The following BAHCC1 variants were observed in gnomAD, a reference collection of about 807,000 sequenced individuals.
BAHCC1 encodes BAH domain and coiled-coil containing 1.
A neutral mutation model predicts 88.2 loss-of-function variants in BAHCC1; 43 were observed. The observed-to-expected ratio is 0.49, with a 90% CI of 0.38 to 0.63. BAHCC1 has a LOEUF of 0.63. Ranked by LOEUF, BAHCC1 falls within the 20% of genes least tolerant of loss-of-function variation. The probability of loss-of-function intolerance (pLI) is 0.00; values close to 1 mark genes in which losing one functional copy is unlikely to be tolerated. For missense variants in BAHCC1, 3,023 were observed against 1,654.8 expected, an observed-to-expected ratio of 1.83 and a Z score of -14.34; for synonymous variants, 1,510 against 745.5, an observed-to-expected ratio of 2.03 and a Z score of -16.71.
intron 2 of BAHCC1, among the ~76,000 whole-genome samples, chr17:81,405,885 CCT>C (rs1291413514): frequency 7.9e-5 from 12 of 152,340 alleles, no homozygotes; most frequent in Non-Finnish European, 1.6e-4. Context: ...CCCCCAACCC[CCT>C]GAGCTCAGTA....
rs535785540 is a variant in BAHCC1, at chr17:81,422,291, G to A, written c.179-4509G>A. The stretch of plus-strand genomic sequence containing the variant: ...CTCCCAAAGTGCTGGGATTACAGGC[G>A]TGAGCCACCGTGTCTGGTCTCTCTT... On this transcript the variant is annotated intron_variant, in intron 2 of 27. Transcript: ENST00000675386. 3.9e-5 allele frequency among the ~76,000 whole-genome samples: 6 copies of A among 152,352 alleles called. No homozygotes were observed. In the East Asian group the frequency reaches 5.8e-4, roughly 15 times the overall value.
intron 25 of BAHCC1, 54 bp downstream of exon 25, chr17:81,460,760 T>A: frequency 1.3e-6 from 1 of 776,198 alleles, no homozygotes. Flanking sequence ...CTCTGGGGGC[T>A]GGGGGAACCA....
intron 2 of BAHCC1, among the ~76,000 whole-genome samples, chr17:81,418,788 C>CGTGTGTGTGT (rs1393659232): frequency 4.7e-4 from 2 of 4,270 alleles, no homozygotes; most frequent in African/African-American, 1.0e-3. Flanking sequence ...TGTGTGTGTA[C>CGTGTGTGTGT]GTGTGTGCGT....
intron 1 of BAHCC1, among the ~76,000 whole-genome samples, chr17:81,397,766 G>T (rs2063761439): frequency 6.6e-6 from 1 of 152,210 alleles, no homozygotes; most frequent in Non-Finnish European, 1.5e-5. Flanking sequence ...TGTTAGACCC[G>T]GGGAGAGAGC....
intron 2 of BAHCC1, among the ~76,000 whole-genome samples, chr17:81,412,354 C>T (rs1173304898): frequency 1.3e-5 from 2 of 152,194 alleles, no homozygotes; most frequent in Non-Finnish European, 2.9e-5. Context: ...CATTTTTGGG[C>T]TAACTCTTAA....
At position 81,444,999 on chromosome 17, in the gene BAHCC1, TG is replaced by T; in HGVS notation, c.2672-13del. ...CCTCCCCAGCCAGGCTGACCCCTCC[TG>T]GGCCCTGCCCACAGCGGATGTCATG... On this transcript the variant is annotated splice_polypyrimidine_tract_variant and intron_variant, in intron 8 of 27. Transcript: ENST00000675386. 1 of 747,040 alleles carries T rather than the reference TG, an allele frequency of 1.3e-6. No homozygotes were observed. The allele number at this position is 747,040 out of a possible 1,614,324, so 46.3% of individuals were successfully genotyped here.
At position 81,461,239 on chromosome 17, in the gene BAHCC1, G is replaced by A; in HGVS notation, c.6576G>A (p.Val2192=). The change falls in exon 26 of 28, where the codon GTG becomes GTA. Residue 2192 remains valine, a synonymous_variant. Transcript: ENST00000675386. ...KLLRAKKAER[V]EAEKGGRRRA... ...TGCGGGCTAAGAAGGCCGAGAGGGTGGAGGCCGAGAAGGGTGGGCGGCGGC... is the reference window on the plus strand; with the variant it reads ...TGCGGGCTAAGAAGGCCGAGAGGGTAGAGGCCGAGAAGGGTGGGCGGCGGC... 2.8e-6 allele frequency: 2 copies of A among 711,866 alleles called. No individual in the cohort carries two copies. Among genetic ancestry groups the A allele is most frequent in the Non-Finnish European group, 5.2e-6 (2 of 386,800 alleles). 44.1% of individuals were successfully genotyped at this position (711,866 alleles called of 1,614,324 possible). A position where few individuals can be genotyped will look rare whatever the true frequency, so the allele number is the denominator to read the frequency against.
intron 3 of BAHCC1, among the ~76,000 whole-genome samples, chr17:81,430,849 C>T (rs1030688643): frequency 6.2e-4 from 94 of 152,216 alleles, no homozygotes; most frequent in Non-Finnish European, 1.0e-3. Flanking sequence ...CCAGCACTGA[C>T]GTTTCTACCA....
rs782520601 is a variant in BAHCC1 at position 81,444,799 on chromosome 17, ACAC to A, written c.2646_2648del (p.Pro883del). On this transcript the variant is annotated inframe_deletion, in exon 8 of 28. Transcript: ENST00000675386. ...GCTGGTCATCCTGCCCTCAGAGCCC[ACAC>A]CCCACAGCGCCCCCCACGCACTTGG... The A allele has an allele frequency of 1.3e-6, 1 of 777,988 alleles. No homozygotes were observed. Among genetic ancestry groups the A allele is most frequent in the Non-Finnish European group, 2.4e-6 (1 of 417,248 alleles). 48.2% of individuals were successfully genotyped at this position (777,988 alleles called of 1,614,324 possible).
At chr17:81,454,556 C>T (rs1555656726) in intron 14 of BAHCC1, among the ~76,000 whole-genome samples, 1 of 145,980 alleles carries the variant, frequency 6.9e-6, no homozygotes. Flanking sequence ...CCCACCCCAC[C>T]CACCTGCCCC....
In BAHCC1 at chr17:81,464,618, A is replaced by G. The variant is rs1598522038; in HGVS notation, c.*801A>G. 1 of 152,546 alleles carries G rather than the reference A, an allele frequency of 6.6e-6. No individual in the cohort carries two copies. The highest frequency in any genetic ancestry group is 6.5e-5 in the Admixed American group (1 of 15,294). 9.4% of individuals were successfully genotyped at this position (152,546 alleles called of 1,614,324 possible). On this transcript the variant is annotated 3_prime_UTR_variant, in exon 28 of 28. Coordinates refer to ENST00000675386, the MANE Select transcript of BAHCC1 (RefSeq NM_001377448.1). ...AAAGCCCAGACCAGGGAGTGTGACA[A>G]CAGCCGTGAGCATCTCACCTGTGTT...
At chr17:81,410,099 A>T (rs1230703448) in intron 2 of BAHCC1, 3 of 352,704 alleles carry the variant, frequency 8.5e-6, no homozygotes, top group Admixed American at 6.3e-5. Context: ...GTTGAGTGGG[A>T]CTGGGGGATG....
In BAHCC1 at chr17:81,443,327, G is replaced by C. The variant is rs2064459536; in HGVS notation, c.1978G>C (p.Ala660Pro). Residue 660 changes from alanine to proline, a missense_variant, in exon 5 of 28, where the codon GCC becomes CCC. By Grantham distance (27) the Ala-to-Pro change is conservative. Coordinates refer to ENST00000675386, the MANE Select transcript of BAHCC1 (RefSeq NM_001377448.1). The stretch of plus-strand genomic sequence containing the variant: ...CTTGGTGGGCCTGGGTGGCCTCAAG[G>C]CCAGCTGCATCCAGCAGGAAGCAAA... Reference protein sequence around the residue: ...APLVGLGGLKASCIQQEAKFL... With the variant: ...APLVGLGGLKPSCIQQEAKFL... 1 of 779,250 alleles carries C rather than the reference G, an allele frequency of 1.3e-6. No homozygotes were observed. Among genetic ancestry groups the C allele is most frequent in the Admixed American group, 1.7e-5 (1 of 59,006 alleles). 48.3% of individuals were successfully genotyped at this position (779,250 alleles called of 1,614,324 possible). A position where few individuals can be genotyped will look rare whatever the true frequency, so the allele number is the denominator to read the frequency against.
At position 81,442,713 on chromosome 17, in the gene BAHCC1, G is replaced by A. The variant is rs2064445125; in HGVS notation, c.1364G>A (p.Gly455Glu). The A allele has an allele frequency of 1.3e-6, 1 of 775,440 alleles. No homozygotes were observed. The highest frequency in any genetic ancestry group is 2.4e-6 in the Non-Finnish European group (1 of 416,286). The allele number at this position is 775,440 out of a possible 1,614,324, so 48.0% of individuals were successfully genotyped here. The change falls in exon 5 of 28, where the codon GGG becomes GAG. Residue 455 changes from glycine to glutamate, a missense_variant. Gly to Glu is a moderately conservative substitution (Grantham distance 98, BLOSUM62 -2). Transcript: ENST00000675386. ...GAGGGCAAGGGCGAGCGGCGGCCTG[G>A]GGGCTTTGAGGCGGCCCTCAACCCC... is the stretch of plus-strand genomic sequence containing the variant. Reference protein sequence around the residue: ...KAEGKGERRPGGFEAALNPRL... With the variant: ...KAEGKGERRPEGFEAALNPRL...
chr17:81,423,667 C>T (rs549082296), intron 2 of BAHCC1, among the ~76,000 whole-genome samples: 23 of 152,326 alleles, frequency 1.5e-4, no homozygotes, highest in African/African-American at 5.5e-4. Context: ...CGCTCAGTGA[C>T]AGCCTCAGAC....
At chr17:81,448,060 G>A (rs563944514) in intron 11 of BAHCC1, among the ~76,000 whole-genome samples, 2 of 152,328 alleles carry the variant, frequency 1.3e-5, no homozygotes, top group Non-Finnish European at 2.9e-5. Flanking sequence ...TCCGTCCCAG[G>A]TGGGGCCCTG....
At chr17:81,425,208 G>C (rs1318064067) in intron 2 of BAHCC1, among the ~76,000 whole-genome samples, 4 of 29,274 alleles carry the variant, frequency 1.4e-4, no homozygotes, top group African/African-American at 4.9e-4. Context: ...GGTGATGATG[G>C]TGGGTGATGT....
At chr17:81,462,287 G>A (rs1278097362) in intron 26 of BAHCC1, among the ~76,000 whole-genome samples, 1 of 152,196 alleles carries the variant, frequency 6.6e-6, no homozygotes, top group African/African-American at 2.4e-5. Context: ...ATGTCGGGCC[G>A]GGCCTGAGCT....
chr17:81,411,223 C>T lies in BAHCC1; in HGVS notation c.178+11306C>T. 1 of 514,696 alleles carries T rather than the reference C, an allele frequency of 1.9e-6. No individual in the cohort carries two copies. The highest frequency in any genetic ancestry group is 3.9e-6 in the Non-Finnish European group (1 of 258,598). The allele number at this position is 514,696 out of a possible 1,614,324, so 31.9% of individuals were successfully genotyped here. A position where few individuals can be genotyped will look rare whatever the true frequency, so the allele number is the denominator to read the frequency against. Reference sequence around the variant, plus strand: ...GCCACCTGGGCATGCCCAGTGGGGCCCCAGGAGGACTCGCCACCCCCAGTT... The same window carrying T: ...GCCACCTGGGCATGCCCAGTGGGGCTCCAGGAGGACTCGCCACCCCCAGTT... On this transcript the variant is annotated intron_variant, in intron 2 of 27. Transcript: ENST00000675386. This position sits in a 1 kb window ranked among gnomAD's most constrained non-coding sequence, Gnocchi z 6.2.
Sources: gnomAD v4.1 joint callset for allele counts (sites outside exome capture counted in the v4.1 genomes callset) on GRCh38, gnomAD v4.1.1 for gene constraint, Gnocchi (gnomAD v3.1) non-coding constraint, MANE v1.5 for transcripts, NCBI Gene and HGNC (gene_info 2026-07-23, HGNC 2026-07-21) for gene names.